Variants in DCLRE1C observed in about 807,000 individuals in gnomAD.
DCLRE1C encodes protein artemis.
Under a neutral mutation model 61.4 loss-of-function variants are expected in DCLRE1C, and 47 were observed. That is an observed-to-expected ratio of 0.77 (90% CI 0.61 to 0.98). The LOEUF (loss-of-function observed/expected upper bound fraction) is 0.98. Among genes scored for constraint, DCLRE1C ranks in the 50% least tolerant of loss-of-function variants. DCLRE1C has a pLI of 0.00. For synonymous variants in DCLRE1C, 337 were observed against 287.6 expected, an observed-to-expected ratio of 1.17 and a Z score of -1.74; for missense variants, 858 against 816.0, an observed-to-expected ratio of 1.05 and a Z score of -0.63.
At chr10:14,932,373 C>T (rs1296509763) in intron 9 of DCLRE1C, among the ~76,000 whole-genome samples, 4 of 152,114 alleles carry the variant, frequency 2.6e-5, no homozygotes, top group Admixed American at 6.6e-5. Context: ...GGTGGTGGCT[C>T]ACGCCTGTAG....
In DCLRE1C at chr10:14,953,954, G is replaced by A. The variant is rs1457686297; in HGVS notation, c.57C>T (p.Phe19=). The A allele has an allele frequency of 6.2e-7, 1 of 1,614,036 alleles. No individual in the cohort carries two copies. The highest frequency in any genetic ancestry group is 8.5e-7 in the Non-Finnish European group (1 of 1,179,930). The stretch of plus-strand genomic sequence containing the variant: ...CGCGGGCCCTCAGGTTCTCCCTATC[G>A]AAGCGGTCTATGGAGATAGTTGGAT... ...AEYPTISIDR[F]DRENLRARAY... is the part of the protein sequence containing the mutation. Residue 19 remains phenylalanine, a synonymous_variant, in exon 1 of 14, where the codon TTC becomes TTT. Transcript: ENST00000378278.
Position 14,937,919 on chromosome 10 carries a change from A to T in DCLRE1C, c.307-1326T>A, listed in dbSNP as rs1035621211. Among the ~76,000 whole-genome samples, 12 of 146,424 alleles carry T rather than the reference A, an allele frequency of 8.2e-5. No individual in the cohort carries two copies. The South Asian group carries it at 2.0e-3, about 24-fold the overall frequency. ...AAAAAAAAAAAAAAAAAAAAAAAAG[A>T]TTAAAGCCTGGATGAGGCCTGGTCC... On this transcript the variant is annotated intron_variant, in intron 4 of 13. Transcript: ENST00000378278.
downstream of DCLRE1C, chr10:14,903,368 C>T (rs1834148060): frequency 1.3e-5 from 2 of 152,128 alleles, no homozygotes; most frequent in South Asian, 4.1e-4. Flanking sequence ...CTGATCTAAA[C>T]GGTAAAACAA....
downstream of DCLRE1C, among the ~76,000 whole-genome samples, chr10:14,900,745 A>C (rs966921399): frequency 1.3e-5 from 2 of 152,124 alleles, no homozygotes; most frequent in Non-Finnish European, 1.5e-5. Flanking sequence ...TTTTAAACAC[A>C]GTTGTTCTAG....
rs1460843145 is a variant in DCLRE1C at position 14,945,159 on chromosome 10, CACAGGTGA to C, written c.184_191del (p.Ser62AspfsTer2). The C allele has an allele frequency of 1.2e-6, 2 of 1,612,854 alleles. No homozygotes were observed. The highest frequency in any genetic ancestry group is 8.5e-7 in the Non-Finnish European group (1 of 1,179,538). On this transcript the variant is annotated frameshift_variant, in exon 3 of 14. Coordinates refer to ENST00000378278, the MANE Select transcript of DCLRE1C (RefSeq NM_001033855.3). LOFTEE classifies it high-confidence loss of function. ...GGCTCGTTAACAACAACTCCTTAGTCACAGGTGAACAGTATAGATAAACCTTCAAGCTG... is the reference window on the plus strand; with the variant it reads ...GGCTCGTTAACAACAACTCCTTAGTCACAGTATAGATAAACCTTCAAGCTG...
chr10:14,917,718 G>A (rs1411275248), intron 13 of DCLRE1C, among the ~76,000 whole-genome samples: 1 of 152,156 alleles, frequency 6.6e-6, no homozygotes, highest in Non-Finnish European at 1.5e-5. Context: ...TTGGGAGGCT[G>A]AAGTGGGAGG....
chr10:14,914,940 TAA>T (rs201181306), intron 13 of DCLRE1C, among the ~76,000 whole-genome samples: 14 of 142,754 alleles, frequency 9.8e-5, no homozygotes, highest in African/African-American at 1.8e-4. Flanking sequence ...TCCATCTCAT[TAA>T]AAAAAAAAAA....
In DCLRE1C at chr10:14,915,355, ACTT is replaced by A. The variant is rs530624294; in HGVS notation, c.1156+4380_1156+4382del. On this transcript the variant is annotated intron_variant, in intron 13 of 13. Coordinates refer to ENST00000378278, the MANE Select transcript of DCLRE1C (RefSeq NM_001033855.3). ...AGAGAAAATGAAAATAAAACCAAAA[ACTT>A]CTTATTTGAGAAGATCAGTAAAACT... Among the ~76,000 whole-genome samples the A allele has an allele frequency of 1.1e-3, 160 of 152,112 alleles. 1 individual carries two copies. Among genetic ancestry groups the A allele is most frequent in the African/African-American group, 3.6e-3 (150 of 41,524 alleles).
At chr10:14,938,434 G>A (rs1365687825) in intron 4 of DCLRE1C, among the ~76,000 whole-genome samples, 2 of 151,946 alleles carry the variant, frequency 1.3e-5, no homozygotes, top group African/African-American at 2.4e-5. Context: ...AACTTCAACT[G>A]TCTGATCTTC....
At chr10:14,920,544 C>A in intron 12 of DCLRE1C, 1 of 346,760 alleles carries the variant, frequency 2.9e-6, no homozygotes, top group Non-Finnish European at 4.1e-6. Context: ...CACAGCTGTT[C>A]TCTGGATCCA....
intron 13 of DCLRE1C, among the ~76,000 whole-genome samples, chr10:14,909,596 C>T (rs1182316043): frequency 6.8e-6 from 1 of 147,454 alleles, no homozygotes; most frequent in Non-Finnish European, 1.5e-5. Flanking sequence ...ATATGCAAAA[C>T]TTCAAAAAAA....
At chr10:14,950,079 G>A (rs1231612467) in intron 1 of DCLRE1C, among the ~76,000 whole-genome samples, 34 of 152,106 alleles carry the variant, frequency 2.2e-4, no homozygotes, top group Admixed American at 2.2e-3. Flanking sequence ...GGTGGCTCAT[G>A]CCTGTAACCC....
At chr10:14,939,013 C>T (rs1440106461) in intron 4 of DCLRE1C, among the ~76,000 whole-genome samples, 4 of 152,112 alleles carry the variant, frequency 2.6e-5, no homozygotes, top group Admixed American at 6.6e-5. Context: ...TATTAGGAGG[C>T]TTTTGGGAGG....
chr10:14,914,603 T>C (rs1481278551), intron 13 of DCLRE1C, among the ~76,000 whole-genome samples: 1 of 152,240 alleles, frequency 6.6e-6, no homozygotes, highest in Non-Finnish European at 1.5e-5. Flanking sequence ...GTTTAATGTG[T>C]AAATTGGTCC....
In DCLRE1C at chr10:14,948,729, G is replaced by A. The variant is rs1388567734; in HGVS notation, c.161+307C>T. ...CATCTCTGTTTTTTTTGTTGCTGTC[G>A]TTGTTGTTGTTGTTGTTTTTAGAGA... On this transcript the variant is annotated intron_variant, in intron 2 of 13. Coordinates refer to ENST00000378278, the MANE Select transcript of DCLRE1C (RefSeq NM_001033855.3). 2.8e-5 allele frequency among the ~76,000 whole-genome samples: 4 copies of A among 142,122 alleles called. No homozygotes were observed. The East Asian group carries it at 7.8e-4, about 28-fold the overall frequency. 93.2% of individuals were successfully genotyped at this position (142,122 alleles called of 152,430 possible).
At chr10:14,934,275 C>T in intron 8 of DCLRE1C, 105 bp downstream of exon 8, 2 of 1,502,314 alleles carry the variant, frequency 1.3e-6, no homozygotes, top group South Asian at 1.2e-5. Context: ...CTGCAGTGAG[C>T]CGAGGTCGCG....
exon 14 of DCLRE1C, chr10:14,899,220 T>C (rs1473801042): frequency 1.4e-6 from 1 of 701,992 alleles, no homozygotes; most frequent in African/African-American, 1.7e-5. Context: ...GTCAGGAGGC[T>C]GAGGCAGGAA....
At position 14,928,007 on chromosome 10, in the gene DCLRE1C, C is replaced by T; in HGVS notation, c.917+9G>A. The T allele has an allele frequency of 1.9e-6, 3 of 1,613,464 alleles. No individual in the cohort carries two copies. The highest frequency in any genetic ancestry group is 2.5e-6 in the Non-Finnish European group (3 of 1,179,690). On this transcript the variant is annotated intron_variant, in intron 10 of 13. Coordinates refer to ENST00000378278, the MANE Select transcript of DCLRE1C (RefSeq NM_001033855.3). ...TTCTCTCAGAAGACCTATGATATTG[C>T]TCTCTTACCTCACAATTACATTTGT...
intron 11 of DCLRE1C, among the ~76,000 whole-genome samples, chr10:14,926,265 A>G (rs1324657858): frequency 6.6e-6 from 1 of 152,118 alleles, no homozygotes; most frequent in Admixed American, 6.5e-5. Context: ...CAAAATTTTC[A>G]CCACTCTCCA....
Sources: gnomAD v4.1 joint callset for allele counts (sites outside exome capture counted in the v4.1 genomes callset) on GRCh38, gnomAD v4.1.1 for gene constraint, MANE v1.5 for transcripts, NCBI Gene and HGNC (gene_info 2026-07-23, HGNC 2026-07-21) for gene names.